GALC: variants seen among roughly 807,000 people sequenced by gnomAD.
GALC encodes galactocerebrosidase.
In GALC, 77 loss-of-function variants were observed where a neutral mutation model predicts 91.8. The observed-to-expected ratio is 0.84, with a 90% CI of 0.70 to 1.01. The LOEUF (loss-of-function observed/expected upper bound fraction) is 1.01, where lower values mean the gene tolerates loss of function less well. Ranked by LOEUF, GALC falls within the 50% of genes least tolerant of loss-of-function variation. The probability of loss-of-function intolerance (pLI) is 0.00; values close to 1 mark genes in which losing one functional copy is unlikely to be tolerated. For synonymous variants in GALC, 357 were observed against 306.7 expected (o/e 1.16, Z -1.71); for missense variants, 882 against 855.9 (o/e 1.03, Z -0.38).
chr14:87,972,967 G>C (rs1477224087), intron 7 of GALC, among the ~76,000 whole-genome samples: 1 of 152,004 alleles, frequency 6.6e-6, no homozygotes, highest in Non-Finnish European at 1.5e-5. Flanking sequence ...ATGGTAAAGT[G>C]TATACAACAA....
intron 13 of GALC, 71 bp downstream of exon 13, chr14:87,947,657 T>C (rs1264547298): frequency 1.4e-6 from 2 of 1,451,892 alleles, no homozygotes; most frequent in Non-Finnish European, 1.9e-6. Context: ...TGCACCCAGT[T>C]TGACAGGTAG....
chr14:87,955,212 G>T, intron 10 of GALC: 1 of 1,101,410 alleles, frequency 9.1e-7, no homozygotes, highest in Non-Finnish European at 1.4e-6. Flanking sequence ...GAGGCCAGAG[G>T]AAGAAATGGC....
At chr14:87,970,632 G>A (rs972546237) in intron 7 of GALC, among the ~76,000 whole-genome samples, 6 of 151,430 alleles carry the variant, frequency 4.0e-5, no homozygotes, top group South Asian at 2.1e-4. Context: ...AGGCCAAGGC[G>A]GGCGGATCAC....
chr14:87,978,313 G>A (rs1886592268), intron 6 of GALC, among the ~76,000 whole-genome samples: 1 of 152,160 alleles, frequency 6.6e-6, no homozygotes, highest in Non-Finnish European at 1.5e-5. Flanking sequence ...GCTTCCCAAA[G>A]TGCTGGGATT....
chr14:87,965,572 G>T lies in GALC; in HGVS notation c.966C>A (p.Cys322Ter), dbSNP rs772842910. Residue 322 changes from cysteine to a stop codon, truncating the protein, a stop_gained, in exon 9 of 17, where the codon TGC (cysteine) becomes TGA (stop). Transcript: ENST00000261304. LOFTEE classifies it high-confidence loss of function. The stretch of plus-strand genomic sequence containing the variant: ...ATGGCTCCTGGGCCGTCATCAACCC[G>T]CATCTCCCATAAGGCAACTGTTCAT... ...SYYEQLPYGR[C>*]GLMTAQEPWS... The T allele has an allele frequency of 1.2e-6, 2 of 1,613,048 alleles. No individual in the cohort carries two copies. The highest frequency in any genetic ancestry group is 1.7e-6 in the Non-Finnish European group (2 of 1,179,300).
intron 10 of GALC, among the ~76,000 whole-genome samples, chr14:87,957,684 T>C (rs1017983190): frequency 3.3e-5 from 5 of 152,168 alleles, no homozygotes; most frequent in African/African-American, 1.2e-4. Context: ...ACACAAATAA[T>C]GTATATAAAT....
chr14:87,952,482 C>T, intron 10 of GALC: 2 of 578,670 alleles, frequency 3.5e-6, no homozygotes, highest in Non-Finnish European at 6.4e-6. Context: ...TAAGCTAAAC[C>T]ACAACCCTGC....
intron 7 of GALC, among the ~76,000 whole-genome samples, chr14:87,974,611 C>CA (rs112752402): frequency 0.11 from 17,167 of 151,926 alleles, 1,140 homozygotes; most frequent in Non-Finnish European, 0.16. Context: ...ACAATATAAC[C>CA]AAAAGGTTAT....
intron 7 of GALC, among the ~76,000 whole-genome samples, chr14:87,968,828 G>A (rs1007754245): frequency 6.6e-6 from 1 of 152,082 alleles, no homozygotes; most frequent in Non-Finnish European, 1.5e-5. Flanking sequence ...TAGCAGAGAG[G>A]GCCACAGCCT....
In GALC at chr14:87,968,577, C is replaced by G. The variant is rs1217121371; in HGVS notation, c.753-87G>C. 16 of 1,272,096 alleles carry G rather than the reference C, an allele frequency of 1.3e-5. No individual in the cohort carries two copies. The East Asian group carries it at 3.8e-4, about 30-fold the overall frequency. The allele number at this position is 1,272,096 out of a possible 1,614,324, so 78.8% of individuals were successfully genotyped here. Reference sequence around the variant, plus strand: ...TAGATTTGTTGAGTATATAAAAATACGAGTCTTCTCCAAGGTTTTCTATTT... The same window carrying G: ...TAGATTTGTTGAGTATATAAAAATAGGAGTCTTCTCCAAGGTTTTCTATTT... On this transcript the variant is annotated intron_variant, in intron 7 of 16. Transcript: ENST00000261304.
At chr14:87,959,829 C>T (rs1254666331) in intron 10 of GALC, 3 of 152,108 alleles carry the variant, frequency 2.0e-5, no homozygotes, top group South Asian at 2.1e-4. Context: ...GGTATCTGCA[C>T]TCCCATGTTT....
chr14:87,953,987 TC>T, intron 10 of GALC: 1 of 1,609,348 alleles, frequency 6.2e-7, no homozygotes. Context: ...ATACAGTGTT[TC>T]TTGGAGATAT....
chr14:87,939,168 T>C (rs961117302), intron 16 of GALC, among the ~76,000 whole-genome samples: 2 of 151,926 alleles, frequency 1.3e-5, no homozygotes, highest in East Asian at 1.9e-4. Flanking sequence ...TTAAATAATC[T>C]ATGCTACATC....
chr14:87,952,591 C>T, intron 10 of GALC: 6 of 1,393,340 alleles, frequency 4.3e-6, no homozygotes, highest in South Asian at 1.2e-5. Flanking sequence ...GTTGCTGACC[C>T]CCGGAAAAAA....
intron 9 of GALC, among the ~76,000 whole-genome samples, chr14:87,963,940 T>C (rs762624718): frequency 3.5e-4 from 54 of 152,136 alleles, no homozygotes; most frequent in Admixed American, 7.9e-4. Context: ...ATTGGTCACC[T>C]CCTAAGCTCG....
intron 10 of GALC, chr14:87,954,373 G>T: frequency 6.2e-7 from 1 of 1,601,520 alleles, no homozygotes; most frequent in Non-Finnish European, 8.5e-7. Context: ...CAGTGGAACA[G>T]GCCCAAGATC....
intron 16 of GALC, among the ~76,000 whole-genome samples, chr14:87,939,269 T>C (rs1884724672): frequency 6.6e-6 from 1 of 151,886 alleles, no homozygotes; most frequent in Admixed American, 6.6e-5. Context: ...TCCAAAGTTA[T>C]TGGAATCTGA....
At chr14:87,988,750 G>T (rs1236891394) in intron 1 of GALC, among the ~76,000 whole-genome samples, 2 of 152,144 alleles carry the variant, frequency 1.3e-5, no homozygotes, top group Non-Finnish European at 2.9e-5. Context: ...TCTGGCATGA[G>T]GGCTAACTGG....
chr14:87,981,368 G>A (rs1886741048), intron 6 of GALC: 1 of 161,818 alleles, frequency 6.2e-6, no homozygotes, highest in Non-Finnish European at 1.3e-5. Context: ...TACTGCTCCA[G>A]TGATGGGTGC....
Sources: allele counts gnomAD v4.1 joint callset (sites outside exome capture counted in the v4.1 genomes callset), GRCh38; gene constraint gnomAD v4.1.1; transcripts MANE v1.5; gene names NCBI Gene and HGNC (gene_info 2026-07-23, HGNC 2026-07-21).